Variants in FGD5 observed in about 807,000 individuals in gnomAD.
FGD5 encodes the protein FYVE, RhoGEF and PH domain containing 5, also known as FYVE, RhoGEF and PH domain-containing protein 5.
FGD5 carries 28 observed loss-of-function variants against 133.4 expected under a neutral mutation model. That is an observed-to-expected ratio of 0.21 (90% CI 0.16 to 0.29). The LOEUF (loss-of-function observed/expected upper bound fraction) is 0.29, where lower values mean the gene tolerates loss of function less well. Ranked by LOEUF, FGD5 falls within the 10% of genes least tolerant of loss-of-function variation. The pLI, the probability that FGD5 is intolerant of heterozygous loss-of-function variation, is 1.00. For synonymous variants in FGD5, 810 were observed against 776.5 expected (o/e 1.04, Z -0.72); for missense variants, 1,858 against 1,895.2 (o/e 0.98, Z 0.36).
chr3:14,882,529 C>T (rs1441526219), intron 4 of FGD5, among the ~76,000 whole-genome samples: 1 of 152,050 alleles, frequency 6.6e-6, no homozygotes, highest in African/African-American at 2.4e-5. Context: ...GAAACCCCAT[C>T]TCTACTGAAA....
At chr3:14,915,529 C>A (rs1357530285) in intron 11 of FGD5, among the ~76,000 whole-genome samples, 1 of 151,952 alleles carries the variant, frequency 6.6e-6, no homozygotes, top group African/African-American at 2.4e-5. Flanking sequence ...ATGTGTAGAG[C>A]GTTCACTTTG....
Position 14,869,070 on chromosome 3 carries a change from G to A in FGD5, c.2658+4810G>A, listed in dbSNP as rs112653998. On this transcript the variant is annotated intron_variant, in intron 2 of 19. Coordinates refer to ENST00000285046, the MANE Select transcript of FGD5 (RefSeq NM_152536.4). Reference sequence around the variant, plus strand: ...AGCACTTTGGGAGGCTGAGGTGGGCGGATCACGAGGTCAGGAGATCAAGAC... The same window carrying A: ...AGCACTTTGGGAGGCTGAGGTGGGCAGATCACGAGGTCAGGAGATCAAGAC... 5.5e-3 allele frequency among the ~76,000 whole-genome samples: 841 copies of A among 152,268 alleles called. 12 individuals carry two copies. The highest frequency in any genetic ancestry group is 0.019 in the African/African-American group (805 of 41,534).
chr3:14,904,300 G>C (rs1345675357), intron 9 of FGD5, among the ~76,000 whole-genome samples: 1 of 152,202 alleles, frequency 6.6e-6, no homozygotes, highest in Non-Finnish European at 1.5e-5. Context: ...GAATTCCTCT[G>C]CCTGGGAGAT....
intron 1 of FGD5, among the ~76,000 whole-genome samples, chr3:14,838,229 A>G (rs149019410): frequency 1.3e-5 from 2 of 151,618 alleles, no homozygotes; most frequent in Non-Finnish European, 2.9e-5. Context: ...GGACTTCTCC[A>G]GTAATGGCGG....
At chr3:14,920,812 C>T (rs893284017) in intron 13 of FGD5, among the ~76,000 whole-genome samples, 8 of 152,164 alleles carry the variant, frequency 5.3e-5, no homozygotes, top group African/African-American at 9.7e-5. Flanking sequence ...GGAGTTTGAA[C>T]CCAGGACTGT....
At chr3:14,883,354 C>T (rs922201339) in intron 4 of FGD5, among the ~76,000 whole-genome samples, 1 of 152,190 alleles carries the variant, frequency 6.6e-6, no homozygotes, top group Non-Finnish European at 1.5e-5. Flanking sequence ...TCCATCCTTC[C>T]AGGAACCCAG....
At chr3:14,846,374 G>A (rs1397975476) in intron 1 of FGD5, among the ~76,000 whole-genome samples, 6 of 152,166 alleles carry the variant, frequency 3.9e-5, no homozygotes, top group African/African-American at 1.4e-4. Context: ...TGTCTGTGGG[G>A]TGGGTGGTTT....
At chr3:14,852,346 ATAC>A (rs1219805614) in intron 1 of FGD5, among the ~76,000 whole-genome samples, 3 of 152,244 alleles carry the variant, frequency 2.0e-5, no homozygotes, top group African/African-American at 7.2e-5. Context: ...AAAAAGCCTC[ATAC>A]TGTATGATTT....
At chr3:14,815,460 A>G (rs1267070652), upstream of FGD5, among the ~76,000 whole-genome samples, 2 of 152,102 alleles carry the variant, frequency 1.3e-5, no homozygotes, top group Admixed American at 6.5e-5. Context: ...CCACCTCTCA[A>G]TACAAGGTCC....
chr3:14,820,104 A>G lies in FGD5; in HGVS notation c.1033A>G (p.Ser345Gly). The G allele has an allele frequency of 6.2e-7, 1 of 1,614,030 alleles. No homozygotes were observed. Among genetic ancestry groups the G allele is most frequent in the South Asian group, 1.1e-5 (1 of 91,082 alleles). The change falls in exon 1 of 20, where the codon AGC becomes GGC. Residue 345 changes from serine (S) to glycine (G), a missense_variant. Around this residue, in one of 3 missense-constraint regions of FGD5, gnomAD observed 1,824 missense variants for 1,848.9 expected, o/e 0.99. Coordinates refer to ENST00000285046, the MANE Select transcript of FGD5 (RefSeq NM_152536.4). ...GGACTTCGTGACTTCCCTCACAGGA[A>G]GCCCCTATGAGTTCTTCCCAACTGA... ...MEDFVTSLTG[S>G]PYEFFPTEST...
upstream of FGD5, among the ~76,000 whole-genome samples, chr3:14,814,284 T>C (rs368810657): frequency 2.0e-5 from 3 of 152,146 alleles, no homozygotes; most frequent in African/African-American, 7.2e-5. Context: ...CGCCCTACCA[T>C]ACCCTAAAGC....
At chr3:14,868,634 G>A (rs962833758) in intron 2 of FGD5, among the ~76,000 whole-genome samples, 7 of 152,186 alleles carry the variant, frequency 4.6e-5, no homozygotes, top group African/African-American at 1.4e-4. Flanking sequence ...CCTGGGCCCC[G>A]GGGAAGGGGC....
upstream of FGD5, chr3:14,818,863 C>A: frequency 7.5e-7 from 1 of 1,330,824 alleles, no homozygotes; most frequent in Non-Finnish European, 9.8e-7. Flanking sequence ...ACGGAACCAT[C>A]TGTGGCGTCC....
rs2036435877 is a variant in FGD5 at position 14,819,417 on chromosome 3, G to T, written c.346G>T (p.Ala116Ser). ...GGCATGTGGCCTGGAGGGTACAGGA[G>T]CTGGTGAGGATTCAGTGGCCCCTGC... ...GEACGLEGTG[A>S]GEDSVAPAAP... The change falls in exon 1 of 20, where the codon GCT becomes TCT. Residue 116 changes from alanine to serine, a missense_variant. By Grantham distance (99) the Ala-to-Ser change is moderately conservative (BLOSUM62 1). Coordinates refer to ENST00000285046, the MANE Select transcript of FGD5 (RefSeq NM_152536.4). This position sits in a 1 kb window ranked among gnomAD's most constrained non-coding sequence, Gnocchi z 4.1. 1 of 1,550,220 alleles carries T rather than the reference G, an allele frequency of 6.5e-7. No individual in the cohort carries two copies. The highest frequency in any genetic ancestry group is 8.7e-7 in the Non-Finnish European group (1 of 1,146,306).
chr3:14,915,498 A>G (rs896723502), intron 11 of FGD5, among the ~76,000 whole-genome samples: 6 of 151,378 alleles, frequency 4.0e-5, no homozygotes, highest in African/African-American at 1.5e-4. Flanking sequence ...TCCAGGGCTC[A>G]CTCTGGTTTA....
intron 12 of FGD5, among the ~76,000 whole-genome samples, chr3:14,918,380 A>G (rs1251580935): frequency 1.3e-5 from 2 of 152,230 alleles, no homozygotes; most frequent in Non-Finnish European, 2.9e-5. Context: ...GGAAGGAGGA[A>G]GCACCTTTCT....
chr3:14,836,113 T>G (rs2036812022), intron 1 of FGD5, among the ~76,000 whole-genome samples: 1 of 152,172 alleles, frequency 6.6e-6, no homozygotes, highest in South Asian at 2.1e-4. Context: ...TGCCACATGT[T>G]GCACAAGGAG....
chr3:14,892,419 C>T (rs1191267825), intron 4 of FGD5, among the ~76,000 whole-genome samples: 1 of 152,040 alleles, frequency 6.6e-6, no homozygotes, highest in African/African-American at 2.4e-5. Flanking sequence ...GGTCTCCATC[C>T]AACTCTTAGT....
Position 14,835,848 on chromosome 3 carries a change from G to A in FGD5, c.2525+14252G>A, listed in dbSNP as rs938345458. Among the ~76,000 whole-genome samples, 5 of 152,200 alleles carry A rather than the reference G, an allele frequency of 3.3e-5. No individual in the cohort carries two copies. The South Asian group carries it at 1.0e-3, about 32-fold the overall frequency. ...GAACCCATGCCAGTTGCTTGGTGCA[G>A]GGTCTGGCCTGCAGAAGGTTCTCAG... On this transcript the variant is annotated intron_variant, in intron 1 of 19. Coordinates refer to ENST00000285046, the MANE Select transcript of FGD5 (RefSeq NM_152536.4).
Sources: gnomAD v4.1 joint callset for allele counts (sites outside exome capture counted in the v4.1 genomes callset) on GRCh38, gnomAD v4.1.1 for gene constraint, gnomAD v4.1.1 regional missense constraint, Gnocchi (gnomAD v3.1) non-coding constraint, MANE v1.5 for transcripts, NCBI Gene and HGNC (gene_info 2026-07-23, HGNC 2026-07-21) for gene names.